Variants in ENTREP2 observed in about 807,000 individuals in gnomAD.
The protein encoded by ENTREP2 is endosomal transmembrane epsin interactor 2.
the ENTREP2 span, among the ~76,000 whole-genome samples, chr15:29,241,300 G>A: frequency 1.3e-5 from 2 of 152,188 alleles, no homozygotes; most frequent in African/African-American, 4.8e-5. Flanking sequence ...ATACAGCAAT[G>A]TATGAAATGG....
At chr15:29,592,438 C>T in the ENTREP2 span, among the ~76,000 whole-genome samples, 5 of 152,324 alleles carry the variant, frequency 3.3e-5, no homozygotes, top group East Asian at 3.9e-4. Flanking sequence ...TGATGAGGGC[C>T]TTCTTACCAT....
the ENTREP2 span, among the ~76,000 whole-genome samples, chr15:29,253,452 CTTT>C: frequency 7.0e-6 from 1 of 142,628 alleles, no homozygotes; most frequent in Non-Finnish European, 1.5e-5. Context: ...GTCTCTCTCT[CTTT>C]TTTTTTTTTT....
the ENTREP2 span, among the ~76,000 whole-genome samples, chr15:29,365,611 G>A: frequency 6.6e-6 from 1 of 151,928 alleles, no homozygotes; most frequent in East Asian, 1.9e-4. Flanking sequence ...TAAAGAACAA[G>A]GTTGCGCTTT....
chr15:29,462,167 T>A, the ENTREP2 span, among the ~76,000 whole-genome samples: 10 of 152,268 alleles, frequency 6.6e-5, no homozygotes, highest in African/African-American at 2.4e-4. Flanking sequence ...GACGCTTGGG[T>A]TGCTTCCATG....
chr15:29,189,460 A>T, the ENTREP2 span, among the ~76,000 whole-genome samples: 1 of 151,988 alleles, frequency 6.6e-6, no homozygotes, highest in African/African-American at 2.4e-5. Context: ...CAAAGATAAG[A>T]AAGCACATAA....
the ENTREP2 span, among the ~76,000 whole-genome samples, chr15:29,513,741 C>G: frequency 6.6e-6 from 1 of 152,218 alleles, no homozygotes. Flanking sequence ...AATGCAAGCT[C>G]TCAGCTTCAT....
At chr15:29,551,100 C>T in the ENTREP2 span, among the ~76,000 whole-genome samples, 6 of 152,186 alleles carry the variant, frequency 3.9e-5, no homozygotes, top group African/African-American at 1.4e-4. Context: ...TTTATGGCCA[C>T]ACAACATGGT....
the ENTREP2 span, among the ~76,000 whole-genome samples, chr15:29,284,515 C>A: frequency 6.7e-6 from 1 of 150,348 alleles, no homozygotes; most frequent in Non-Finnish European, 1.5e-5. Flanking sequence ...AAAGATTGCA[C>A]CACTGCACTC....
At chr15:29,475,728 A>G in the ENTREP2 span, among the ~76,000 whole-genome samples, 3 of 152,232 alleles carry the variant, frequency 2.0e-5, no homozygotes, top group East Asian at 5.8e-4. Flanking sequence ...TGTCCCAGAG[A>G]GGGGTATGGG....
chr15:29,642,636 C>T, the ENTREP2 span, among the ~76,000 whole-genome samples: 47 of 150,226 alleles, frequency 3.1e-4, no homozygotes, highest in African/African-American at 4.6e-4. Context: ...TTTTTTGAGA[C>T]GGTGTTTTGC....
chr15:29,422,284 A>AC, the ENTREP2 span, among the ~76,000 whole-genome samples: 3 of 152,044 alleles, frequency 2.0e-5, no homozygotes, highest in East Asian at 5.8e-4. Flanking sequence ...AAAAAAGAAA[A>AC]AAGAAAAAAA....
At chr15:29,407,359 T>G in the ENTREP2 span, among the ~76,000 whole-genome samples, 1 of 152,148 alleles carries the variant, frequency 6.6e-6, no homozygotes, top group African/African-American at 2.4e-5. Context: ...GAGGGAAGCG[T>G]TGGTGTGTGG....
the ENTREP2 span, chr15:29,375,018 T>C: frequency 5.9e-5 from 9 of 152,352 alleles, no homozygotes; most frequent in African/African-American, 2.2e-4. Context: ...ACATTAGGAA[T>C]GTTATCTAGT....
At chr15:29,557,931 T>C in the ENTREP2 span, among the ~76,000 whole-genome samples, 5 of 152,338 alleles carry the variant, frequency 3.3e-5, no homozygotes, top group African/African-American at 1.2e-4. Flanking sequence ...ATAACTGCAA[T>C]GGGTAAAGTG....
the ENTREP2 span, among the ~76,000 whole-genome samples, chr15:29,526,456 C>A: frequency 6.0e-5 from 9 of 150,942 alleles, no homozygotes; most frequent in Non-Finnish European, 1.2e-4. Context: ...TAATCTCCCC[C>A]TGTACAGAGT....
At chr15:29,513,796 G>C in the ENTREP2 span, among the ~76,000 whole-genome samples, 1 of 152,174 alleles carries the variant, frequency 6.6e-6, no homozygotes, top group African/African-American at 2.4e-5. Flanking sequence ...CCGAGTCCAT[G>C]TCCACATCTC....
At chr15:29,374,884 T>G in the ENTREP2 span, 1 of 152,224 alleles carries the variant, frequency 6.6e-6, no homozygotes, top group Non-Finnish European at 1.5e-5. Context: ...AGTGAATTTT[T>G]TTCTCTCTTA....
chr15:29,624,183 G>A, the ENTREP2 span, among the ~76,000 whole-genome samples: 3 of 152,178 alleles, frequency 2.0e-5, no homozygotes. Flanking sequence ...TATATCCTAT[G>A]ATAGTTATTC....
the ENTREP2 span, among the ~76,000 whole-genome samples, chr15:29,333,770 T>C: frequency 6.6e-6 from 1 of 152,044 alleles, no homozygotes; most frequent in Non-Finnish European, 1.5e-5. Context: ...ACTGTGACCT[T>C]ATTGGAAATA....
Sources: allele counts gnomAD v4.1 joint callset (sites outside exome capture counted in the v4.1 genomes callset), GRCh38; gene constraint gnomAD v4.1.1; transcripts MANE v1.5; gene names NCBI Gene and HGNC (gene_info 2026-07-23, HGNC 2026-07-21).